MYO5A: variants seen among roughly 807,000 people sequenced by gnomAD.
MYO5A encodes unconventional myosin-Va.
A neutral mutation model predicts 249.7 loss-of-function variants in MYO5A; 98 were observed. The observed-to-expected ratio is 0.39, with a 90% CI of 0.33 to 0.46. The LOEUF is 0.46. Among genes scored for constraint, MYO5A ranks in the 20% least tolerant of loss-of-function variants. MYO5A has a pLI of 0.98. For missense variants in MYO5A, 1,696 were observed against 2,308.8 expected (o/e 0.73, Z 5.44); for synonymous variants, 778 against 810.6 (o/e 0.96, Z 0.68).
chr15:52,389,751 G>A (rs1203537570), intron 12 of MYO5A, among the ~76,000 whole-genome samples: 2 of 152,120 alleles, frequency 1.3e-5, no homozygotes, highest in East Asian at 1.9e-4. Flanking sequence ...TCAGGAGTTC[G>A]AGATTAGCCT....
At position 52,380,810 on chromosome 15, in the gene MYO5A, T is replaced by C. The variant is rs576893003; in HGVS notation, c.2013-902A>G. On this transcript the variant is annotated intron_variant, in intron 16 of 41. Transcript: ENST00000399233. ...ACAGCACTCCTTTGCACTTTGCCCATACTCATTTCATGGCATGGCCTGACA... is the reference window on the plus strand; with the variant it reads ...ACAGCACTCCTTTGCACTTTGCCCACACTCATTTCATGGCATGGCCTGACA... Among the ~76,000 whole-genome samples the C allele has an allele frequency of 8.2e-4, 124 of 152,120 alleles. 1 individual carries two copies. The highest frequency in any genetic ancestry group is 1.5e-3 in the Non-Finnish European group (104 of 68,018).
At chr15:52,350,138 T>G (rs1009582969) in intron 28 of MYO5A, among the ~76,000 whole-genome samples, 10 of 152,180 alleles carry the variant, frequency 6.6e-5, no homozygotes, top group African/African-American at 2.4e-4. Context: ...TTCACTGTGT[T>G]AGCCAGGATG....
chr15:52,447,754 T>C (rs972567204), intron 1 of MYO5A, among the ~76,000 whole-genome samples: 1 of 152,254 alleles, frequency 6.6e-6, no homozygotes, highest in South Asian at 2.1e-4. Flanking sequence ...AGGTCACTCA[T>C]GCTATGCTTT....
At chr15:52,524,553 CTAAATAAATAAA>C (rs55753650) in intron 1 of MYO5A, among the ~76,000 whole-genome samples, 151 of 140,950 alleles carry the variant, frequency 1.1e-3, no homozygotes, top group South Asian at 4.2e-3. Context: ...GACCCTGAAC[CTAAATAAATAAA>C]TAAATAAATA....
chr15:52,423,300 C>T (rs1318738410), intron 4 of MYO5A, among the ~76,000 whole-genome samples: 1 of 152,116 alleles, frequency 6.6e-6, no homozygotes, highest in Non-Finnish European at 1.5e-5. Context: ...TGCCTGTAAT[C>T]CCAGCACTTT....
At chr15:52,329,695 G>C (rs762570294) in intron 35 of MYO5A, among the ~76,000 whole-genome samples, 1 of 152,174 alleles carries the variant, frequency 6.6e-6, no homozygotes, top group Non-Finnish European at 1.5e-5. Context: ...AAACGGCCTA[G>C]AGCAGTTGTG....
At chr15:52,497,756 C>CA (rs35145185) in intron 1 of MYO5A, among the ~76,000 whole-genome samples, 23,962 of 62,280 alleles carry the variant, frequency 0.38, 4,395 homozygotes, top group Non-Finnish European at 0.41. Context: ...GACTCTGTCT[C>CA]AAAAAAAAAA....
chr15:52,409,625 C>T (rs1030534614), intron 6 of MYO5A, among the ~76,000 whole-genome samples: 1 of 152,116 alleles, frequency 6.6e-6, no homozygotes, highest in African/African-American at 2.4e-5. Flanking sequence ...AACCTCAATG[C>T]AGTGGGCATG....
intron 40 of MYO5A, among the ~76,000 whole-genome samples, chr15:52,315,958 G>A (rs1329922350): frequency 6.6e-6 from 1 of 152,000 alleles, no homozygotes; most frequent in Non-Finnish European, 1.5e-5. Flanking sequence ...AAGTTGGCTG[G>A]GCACTGTGGC....
chr15:52,357,325 A>G (rs2040282343), intron 25 of MYO5A, among the ~76,000 whole-genome samples: 1 of 152,086 alleles, frequency 6.6e-6, no homozygotes, highest in Non-Finnish European at 1.5e-5. Context: ...AGAAATGAAT[A>G]TAATACTTCA....
At chr15:52,390,364 T>G (rs2042166370) in intron 12 of MYO5A, among the ~76,000 whole-genome samples, 1 of 152,104 alleles carries the variant, frequency 6.6e-6, no homozygotes, top group South Asian at 2.1e-4. Flanking sequence ...CAAAATCTTA[T>G]GTATCCCCAT....
At position 52,370,261 on chromosome 15, in the gene MYO5A, T is replaced by G. The variant is rs765434171; in HGVS notation, c.2974A>C (p.Ile992Leu). 6 of 1,614,144 alleles carry G rather than the reference T, an allele frequency of 3.7e-6. No individual in the cohort carries two copies. In the South Asian group the frequency reaches 6.6e-5, roughly 18 times the overall value. The change falls in exon 22 of 42, where the codon ATT (isoleucine) becomes CTT (leucine). Residue 992 changes from isoleucine (I) to leucine (L), a missense_variant. Ile to Leu is a conservative substitution (Grantham distance 5, BLOSUM62 2). Coordinates refer to ENST00000399233, the MANE Select transcript of MYO5A (RefSeq NM_001382347.1). ...TGRVLSLQEE[I>L]AKLRKDLEQT... ...TCCAGGTCTTTCCGGAGCTTGGCAA[T>G]TTCTTCCTGCAGACTAAGGACCCGC...
intron 1 of MYO5A, among the ~76,000 whole-genome samples, chr15:52,489,612 G>C (rs1284956734): frequency 6.8e-6 from 1 of 148,144 alleles, no homozygotes; most frequent in Non-Finnish European, 1.5e-5. Flanking sequence ...ACAATCAACA[G>C]AGTGAAAAGG....
At chr15:52,410,713 G>T (rs1263140292) in intron 5 of MYO5A, among the ~76,000 whole-genome samples, 2 of 151,822 alleles carry the variant, frequency 1.3e-5, no homozygotes, top group Non-Finnish European at 2.9e-5. Flanking sequence ...CAGCCTCTGG[G>T]ATTACAGGCA....
chr15:52,359,165 A>C (rs1368758172), intron 25 of MYO5A, among the ~76,000 whole-genome samples: 2 of 152,244 alleles, frequency 1.3e-5, no homozygotes, highest in African/African-American at 4.8e-5. Flanking sequence ...TTCATTCTTA[A>C]GTAGAACTAA....
chr15:52,379,992 C>G, intron 16 of MYO5A, 84 bp from the exon 17 acceptor site: 2 of 1,389,594 alleles, frequency 1.4e-6, no homozygotes, highest in East Asian at 2.3e-5. Flanking sequence ...GGTGTAAATT[C>G]TTTCGTAAGA....
rs776320957 is a variant in MYO5A, at chr15:52,416,299, T to C, written c.458A>G (p.Asp153Gly). The C allele has an allele frequency of 1.9e-6, 3 of 1,613,904 alleles. No individual in the cohort carries two copies. The highest frequency in any genetic ancestry group is 2.5e-6 in the Non-Finnish European group (3 of 1,179,900). The change falls in exon 5 of 42, where the codon GAT (aspartate) becomes GGT (glycine). Residue 153 changes from aspartate (D) to glycine (G), a missense_variant and splice_region_variant. By Grantham distance (94) the Asp-to-Gly change is moderately conservative. This residue lies in a region of MYO5A where 197 missense variants were observed against 320.3 expected (regional missense o/e 0.62). Transcript: ENST00000399233. ...AEEAYKQMAR[D>G]ERNQSIIVSG... ...TACGATGATGGACTGATTTCGTTCA[T>C]CTCTGTAAAATAAAAATTTTTTAAA...
intron 16 of MYO5A, among the ~76,000 whole-genome samples, chr15:52,381,391 C>T (rs976320485): frequency 5.3e-5 from 8 of 151,298 alleles, no homozygotes; most frequent in Non-Finnish European, 1.0e-4. Context: ...AGGACTGGCA[C>T]GGGGGTAGGG....
chr15:52,331,366 A>G (rs1370035665), intron 34 of MYO5A, among the ~76,000 whole-genome samples: 1 of 152,172 alleles, frequency 6.6e-6, no homozygotes, highest in African/African-American at 2.4e-5. Context: ...TTTCATCTCA[A>G]AATTGAGACT....
Sources: gnomAD v4.1 joint callset for allele counts (sites outside exome capture counted in the v4.1 genomes callset) on GRCh38, gnomAD v4.1.1 for gene constraint, gnomAD v4.1.1 regional missense constraint, MANE v1.5 for transcripts, NCBI Gene and HGNC (gene_info 2026-07-23, HGNC 2026-07-21) for gene names.